AGPS: variants seen among roughly 807,000 people sequenced by gnomAD.
AGPS encodes the protein alkylglycerone phosphate synthase.
AGPS carries 26 observed loss-of-function variants against 90.7 expected under a neutral mutation model. The ratio of observed to expected loss-of-function variants is 0.29; its 90% CI spans 0.21 to 0.40. AGPS has a LOEUF of 0.40. AGPS is among the 10% of genes least tolerant of loss of function. AGPS has a pLI of 1.00. For missense variants in AGPS, 540 were observed against 816.1 expected (o/e 0.66, Z 4.12); for synonymous variants, 294 against 285.3 (o/e 1.03, Z -0.31).
At chr2:177,507,852 G>A in intron 15 of AGPS, 118 bp from the exon 16 acceptor site, 3 of 795,476 alleles carry the variant, frequency 3.8e-6, no homozygotes, top group Non-Finnish European at 6.6e-6. Context: ...ATAGTAAAGA[G>A]TGGATGAAGT....
chr2:177,510,025 G>A (rs1441224399), intron 16 of AGPS, among the ~76,000 whole-genome samples: 1 of 152,206 alleles, frequency 6.6e-6, no homozygotes, highest in East Asian at 1.9e-4. Context: ...GACTTGAAAA[G>A]TTGGGGAAAA....
Position 177,445,631 on chromosome 2 carries a change from G to A in AGPS, c.870+5G>A, listed in dbSNP as rs1240951156. The A allele has an allele frequency of 1.3e-6, 2 of 1,569,312 alleles. No individual in the cohort carries two copies. Among genetic ancestry groups the A allele is most frequent in the Non-Finnish European group, 1.7e-6 (2 of 1,158,032 alleles). On this transcript the variant is annotated splice_donor_5th_base_variant and intron_variant, in intron 8 of 19. Coordinates refer to ENST00000264167, the MANE Select transcript of AGPS (RefSeq NM_003659.4). The stretch of plus-strand genomic sequence containing the variant: ...GGACAAGAGTTGGAAAGACAGGTAT[G>A]TTATTTATTTTTCTTATTTTTTTAA...
intron 1 of AGPS, among the ~76,000 whole-genome samples, chr2:177,418,453 C>A (rs911727426): frequency 6.6e-6 from 1 of 151,948 alleles, no homozygotes; most frequent in Admixed American, 6.6e-5. Context: ...CCAGATTCAA[C>A]CTCTGTACTG....
chr2:177,471,839 T>G (rs1361496735), intron 10 of AGPS, among the ~76,000 whole-genome samples: 1 of 152,196 alleles, frequency 6.6e-6, no homozygotes. Context: ...TTCTTTAAGT[T>G]TCTTTAAAAT....
intron 11 of AGPS, among the ~76,000 whole-genome samples, chr2:177,489,571 T>G (rs1688191141): frequency 6.6e-6 from 1 of 152,214 alleles, no homozygotes; most frequent in South Asian, 2.1e-4. Context: ...AAGTCAGTCT[T>G]GTATCCATGT....
intron 1 of AGPS, among the ~76,000 whole-genome samples, chr2:177,418,663 A>C (rs913103716): frequency 3.9e-5 from 6 of 151,984 alleles, no homozygotes; most frequent in African/African-American, 1.4e-4. Flanking sequence ...TTATTGAAAT[A>C]TAAGAAAATA....
chr2:177,489,808 G>C (rs1345540513), intron 11 of AGPS, among the ~76,000 whole-genome samples: 1 of 152,154 alleles, frequency 6.6e-6, no homozygotes, highest in African/African-American at 2.4e-5. Flanking sequence ...TTCTGTCTGA[G>C]TATTCTTGAA....
At chr2:177,460,503 A>G (rs1027886126) in intron 8 of AGPS, among the ~76,000 whole-genome samples, 3 of 152,246 alleles carry the variant, frequency 2.0e-5, no homozygotes, top group Non-Finnish European at 4.4e-5. Flanking sequence ...TTGCTTCTGT[A>G]TAATGTGAAG....
chr2:177,430,552 C>CTTT (rs1686212162), intron 2 of AGPS, among the ~76,000 whole-genome samples: 2 of 151,966 alleles, frequency 1.3e-5, no homozygotes, highest in Non-Finnish European at 2.9e-5. Flanking sequence ...GTGTGGTTTC[C>CTTT]CTGGTGGGGT....
At chr2:177,517,725 A>G (rs759775142) in intron 17 of AGPS, among the ~76,000 whole-genome samples, 2 of 152,210 alleles carry the variant, frequency 1.3e-5, no homozygotes, top group Non-Finnish European at 2.9e-5. Context: ...CCCTTTACTC[A>G]TCTTCCTCAA....
intron 5 of AGPS, among the ~76,000 whole-genome samples, chr2:177,439,106 T>C (rs1686515184): frequency 6.6e-6 from 1 of 152,210 alleles, no homozygotes; most frequent in Admixed American, 6.5e-5. Context: ...TAAGGACAAT[T>C]ACTTCACTTA....
intron 10 of AGPS, among the ~76,000 whole-genome samples, chr2:177,481,379 TG>T (rs1687938519): frequency 6.6e-6 from 1 of 151,896 alleles, no homozygotes; most frequent in Admixed American, 6.6e-5. Flanking sequence ...TTTTACTTTT[TG>T]TTTTGTTTTG....
Position 177,538,671 on chromosome 2 carries a change from G to T in AGPS, c.*476G>T. Reference sequence around the variant, plus strand: ...GTCTAGTGTGAGTAGGCCATTAAGGGGAAGGATATTCATGAAAGAATTTAG... The same window carrying T: ...GTCTAGTGTGAGTAGGCCATTAAGGTGAAGGATATTCATGAAAGAATTTAG... On this transcript the variant is annotated 3_prime_UTR_variant, in exon 20 of 20. Transcript: ENST00000264167. The T allele has an allele frequency of 6.2e-6, 1 of 161,318 alleles. No homozygotes were observed. Among genetic ancestry groups the T allele is most frequent in the Non-Finnish European group, 1.4e-5 (1 of 73,306 alleles). The allele number at this position is 161,318 out of a possible 1,614,324, so 10.0% of individuals were successfully genotyped here.
chr2:177,505,436 C>T, intron 14 of AGPS, 70 bp from the exon 15 acceptor site: 1 of 1,338,306 alleles, frequency 7.5e-7, no homozygotes, highest in African/African-American at 1.4e-5. Context: ...CTCTTGACAG[C>T]TTTTTGATAC....
intron 11 of AGPS, among the ~76,000 whole-genome samples, chr2:177,485,515 A>G (rs1381038485): frequency 6.6e-6 from 1 of 152,248 alleles, no homozygotes; most frequent in Non-Finnish European, 1.5e-5. Context: ...AAAAGCAAGT[A>G]TGGAATTTTC....
At chr2:177,484,780 T>A (rs1486604840) in intron 11 of AGPS, among the ~76,000 whole-genome samples, 2 of 152,224 alleles carry the variant, frequency 1.3e-5, no homozygotes, top group Non-Finnish European at 2.9e-5. Context: ...TTTTCCTTTC[T>A]GAGACAGGGT....
At chr2:177,503,762 T>C (rs1688629172) in intron 14 of AGPS, among the ~76,000 whole-genome samples, 1 of 152,132 alleles carries the variant, frequency 6.6e-6, no homozygotes, top group African/African-American at 2.4e-5. Flanking sequence ...CAGTCATAAG[T>C]CTATGATTTC....
intron 10 of AGPS, among the ~76,000 whole-genome samples, chr2:177,475,575 T>C (rs1400996533): frequency 6.6e-6 from 1 of 152,212 alleles, no homozygotes; most frequent in African/African-American, 2.4e-5. Flanking sequence ...TGTAATCTTA[T>C]GACTGGCTTC....
chr2:177,534,852 G>A (rs979047688), intron 19 of AGPS, among the ~76,000 whole-genome samples: 6 of 150,836 alleles, frequency 4.0e-5, no homozygotes, highest in Non-Finnish European at 1.5e-5. Context: ...TCCCACCTCA[G>A]CCTCCCAAAA....
Sources: gnomAD v4.1 joint callset for allele counts (sites outside exome capture counted in the v4.1 genomes callset) on GRCh38, gnomAD v4.1.1 for gene constraint, MANE v1.5 for transcripts, NCBI Gene and HGNC (gene_info 2026-07-23, HGNC 2026-07-21) for gene names.